The following F5 variants were observed in gnomAD, a reference collection of about 807,000 sequenced individuals.
F5 encodes the protein coagulation factor V, also known as activated protein c cofactor.
F5 carries 138 observed loss-of-function variants against 216.4 expected under a neutral mutation model. That is an observed-to-expected ratio of 0.64 (90% CI 0.56 to 0.73). F5 has a LOEUF of 0.73. Among genes scored for constraint, F5 ranks in the 30% least tolerant of loss-of-function variants. The probability of loss-of-function intolerance (pLI) is 0.00; values close to 1 mark genes in which losing one functional copy is unlikely to be tolerated. For missense variants in F5, 2,403 were observed against 2,674.0 expected (o/e 0.90, Z 2.24); for synonymous variants, 916 against 930.7 (o/e 0.98, Z 0.29).
intron 12 of F5, among the ~76,000 whole-genome samples, chr1:169,543,877 T>C (rs1312047974): frequency 6.6e-6 from 1 of 152,230 alleles, no homozygotes; most frequent in East Asian, 1.9e-4. Context: ...GATCAGGACT[T>C]GCATTCCAGT....
chr1:169,521,628 T>G (rs924996734), intron 21 of F5, among the ~76,000 whole-genome samples: 7 of 142,808 alleles, frequency 4.9e-5, no homozygotes, highest in Admixed American at 1.4e-4. Context: ...TTTTTTTTTT[T>G]TTTTTTTTTT....
chr1:169,532,400 A>G (rs1486113630), intron 14 of F5, among the ~76,000 whole-genome samples: 1 of 152,204 alleles, frequency 6.6e-6, no homozygotes. Context: ...AAAAGAAGTT[A>G]AAGTATCTCT....
chr1:169,512,268 G>A lies in F5; in HGVS notation c.*2045C>T, dbSNP rs1021829097. On this transcript the variant is annotated 3_prime_UTR_variant, in exon 25 of 25. Coordinates refer to ENST00000367797, the MANE Select transcript of F5 (RefSeq NM_000130.5). The stretch of plus-strand genomic sequence containing the variant: ...TTTGGGGCCTTATTTTTCTCAAGTA[G>A]AGAATAACGAAGCTGGATCTCATGC... Among the ~76,000 whole-genome samples, 4 of 151,938 alleles carry A rather than the reference G, an allele frequency of 2.6e-5. No individual in the cohort carries two copies. The highest frequency in any genetic ancestry group is 5.9e-5 in the Non-Finnish European group (4 of 67,962).
chr1:169,573,240 G>A lies in F5; in HGVS notation c.251-897C>T, dbSNP rs564988531. Among the ~76,000 whole-genome samples, 7 of 152,208 alleles carry A rather than the reference G, an allele frequency of 4.6e-5. No individual in the cohort carries two copies. In the South Asian group the frequency reaches 1.0e-3, roughly 23 times the overall value. ...TGGGATTACAGGTGTGAGCCACCACGCCTCGTCTAAGTGAAATGGAGCATT... is the reference window on the plus strand; with the variant it reads ...TGGGATTACAGGTGTGAGCCACCACACCTCGTCTAAGTGAAATGGAGCATT... On this transcript the variant is annotated intron_variant, in intron 2 of 24. Transcript: ENST00000367797.
At chr1:169,530,617 A>G (rs771903094) in intron 15 of F5, among the ~76,000 whole-genome samples, 169 bp downstream of exon 15, 5 of 152,214 alleles carry the variant, frequency 3.3e-5, no homozygotes, top group Non-Finnish European at 7.3e-5. Context: ...GAAGAGCTGC[A>G]TGGAGAGTCC....
At chr1:169,528,654 T>A (rs976583301) in intron 16 of F5, among the ~76,000 whole-genome samples, 6 of 152,174 alleles carry the variant, frequency 3.9e-5, no homozygotes, top group Admixed American at 2.6e-4. Flanking sequence ...TGCCCACTTC[T>A]CAGATTAGAT....
chr1:169,573,616 G>T (rs1214485583), intron 2 of F5, among the ~76,000 whole-genome samples: 1 of 152,166 alleles, frequency 6.6e-6, no homozygotes, highest in Admixed American at 6.5e-5. Flanking sequence ...TTACTGCAAT[G>T]GGAGAACACA....
chr1:169,542,080 C>T lies in F5; in HGVS notation c.3010G>A (p.Val1004Ile). ...KQSGHPKFPR[V>I]RHKSLQVRQD... ...CTTACTTGTAGAGATTTATGTCTAACTCTAGGAAACTTTGGGTGGCCACTC... is the reference window on the plus strand; with the variant it reads ...CTTACTTGTAGAGATTTATGTCTAATTCTAGGAAACTTTGGGTGGCCACTC... Residue 1004 changes from valine to isoleucine, a missense_variant, in exon 13 of 25, where the codon GTT becomes ATT. Val to Ile is a conservative substitution (Grantham distance 29, BLOSUM62 3). This residue lies in a region of F5 where 1,425 missense variants were observed against 1,554.8 expected (regional missense o/e 0.92). Transcript: ENST00000367797. 4 of 1,614,070 alleles carry T rather than the reference C, an allele frequency of 2.5e-6. No homozygotes were observed. The highest frequency in any genetic ancestry group is 3.4e-6 in the Non-Finnish European group (4 of 1,179,992).
intron 21 of F5, among the ~76,000 whole-genome samples, chr1:169,521,141 G>A (rs1659294319): frequency 6.6e-6 from 1 of 152,096 alleles, no homozygotes; most frequent in South Asian, 2.1e-4. Flanking sequence ...AAAACTGGTG[G>A]ACACTGACTT....
chr1:169,554,897 A>C (rs962996000), intron 7 of F5, among the ~76,000 whole-genome samples: 1 of 152,230 alleles, frequency 6.6e-6, no homozygotes, highest in Non-Finnish European at 1.5e-5. Flanking sequence ...AGCAGTATCT[A>C]GTTTGTAGAG....
At position 169,542,979 on chromosome 1, in the gene F5, A is replaced by G; in HGVS notation, c.2111T>C (p.Met704Thr). Residue 704 changes from methionine (M) to threonine (T), a missense_variant, in exon 13 of 25, where the codon ATG becomes ACG. Around this residue, in one of 4 missense-constraint regions of F5, gnomAD observed 1,425 missense variants for 1,554.8 expected, o/e 0.92. Coordinates refer to ENST00000367797, the MANE Select transcript of F5 (RefSeq NM_000130.5). The part of the protein sequence containing the change: ...EIFEPPESTV[M>T]ATRKMHDRLE... ...ACGATCATGCATTTTCCGTGTAGCCATGACTGTAGATTCTGGAGGTTCAAA... is the reference window on the plus strand; with the variant it reads ...ACGATCATGCATTTTCCGTGTAGCCGTGACTGTAGATTCTGGAGGTTCAAA... 2 of 1,614,066 alleles carry G rather than the reference A, an allele frequency of 1.2e-6. No homozygotes were observed. The highest frequency in any genetic ancestry group is 1.1e-5 in the South Asian group (1 of 91,082).
intron 21 of F5, 107 bp from the exon 22 acceptor site, chr1:169,520,771 C>G: frequency 2.2e-6 from 2 of 915,750 alleles, no homozygotes; most frequent in Non-Finnish European, 3.4e-6. Context: ...TTCATGGGGT[C>G]CAAACTAAAT....
At position 169,544,477 on chromosome 1, in the gene F5, AGTT is replaced by A; in HGVS notation, c.1791_1793del (p.Thr599del). Reference sequence around the variant, plus strand: ...TGTCATCAAAGCAGAATCCAAGAGTAGTTATGCTCTCAGGCACATAGCCATTGA... The same window carrying A: ...TGTCATCAAAGCAGAATCCAAGAGTAATGCTCTCAGGCACATAGCCATTGA... On this transcript the variant is annotated inframe_deletion, in exon 12 of 25. Coordinates refer to ENST00000367797, the MANE Select transcript of F5 (RefSeq NM_000130.5). 1 of 1,614,094 alleles carries A rather than the reference AGTT, an allele frequency of 6.2e-7. No individual in the cohort carries two copies. Among genetic ancestry groups the A allele is most frequent in the Non-Finnish European group, 8.5e-7 (1 of 1,179,990 alleles).
At chr1:169,526,888 TATG>T (rs759092178) in intron 17 of F5, among the ~76,000 whole-genome samples, 11 of 151,038 alleles carry the variant, frequency 7.3e-5, no homozygotes, top group East Asian at 3.9e-4. Flanking sequence ...AATTAATTAA[TATG>T]ATATTAATAT....
intron 3 of F5, among the ~76,000 whole-genome samples, chr1:169,571,296 T>G (rs901069392): frequency 2.0e-5 from 3 of 152,114 alleles, no homozygotes; most frequent in Non-Finnish European, 2.9e-5. Flanking sequence ...TTGTCATCAT[T>G]ATTTATAGAG....
chr1:169,539,479 G>A (rs983336423), intron 13 of F5, among the ~76,000 whole-genome samples: 7 of 152,174 alleles, frequency 4.6e-5, no homozygotes, highest in African/African-American at 1.7e-4. Flanking sequence ...TTGTTCTCAT[G>A]TGGTATTGAG....
Position 169,536,604 on chromosome 1 carries a change from C to T in F5, c.4873G>A (p.Asp1625Asn), listed in dbSNP as rs914900338. ...GGATCACGTTTGGTAAAAGTGCTGT[C>T]GAGGTACTTTCGAAAAACTACTTTC... Reference protein sequence around the residue: ...YKKVVFRKYLDSTFTKRDPRG... With the variant: ...YKKVVFRKYLNSTFTKRDPRG... Residue 1625 changes from aspartate (D) to asparagine (N), a missense_variant, in exon 14 of 25, where the codon GAC (aspartate) becomes AAC (asparagine). Coordinates refer to ENST00000367797, the MANE Select transcript of F5 (RefSeq NM_000130.5). 1.2e-6 allele frequency: 2 copies of T among 1,613,426 alleles called. No individual in the cohort carries two copies. The highest frequency in any genetic ancestry group is 2.2e-5 in the East Asian group (1 of 44,866).
chr1:169,581,576 G>T (rs1401620403), intron 2 of F5, among the ~76,000 whole-genome samples: 2 of 152,140 alleles, frequency 1.3e-5, no homozygotes, highest in African/African-American at 4.8e-5. Context: ...GAGATCAGAA[G>T]AGGCAGGACA....
intron 7 of F5, among the ~76,000 whole-genome samples, 164 bp from the exon 8 acceptor site, chr1:169,552,898 T>A (rs1660206461): frequency 6.6e-6 from 1 of 152,240 alleles, no homozygotes. Context: ...TTCTGTCTAG[T>A]TGGAAAACTG....
Sources: gnomAD v4.1 joint callset for allele counts (sites outside exome capture counted in the v4.1 genomes callset) on GRCh38, gnomAD v4.1.1 for gene constraint, gnomAD v4.1.1 regional missense constraint, MANE v1.5 for transcripts, NCBI Gene and HGNC (gene_info 2026-07-23, HGNC 2026-07-21) for gene names.